HES1: variants seen among roughly 807,000 people sequenced by gnomAD.
HES1 encodes hes family bHLH transcription factor 1.
In HES1, 7 loss-of-function variants were observed where a neutral mutation model predicts 21.0. The ratio of observed to expected loss-of-function variants is 0.33; its 90% CI spans 0.19 to 0.63. The LOEUF is 0.63. HES1 is among the 20% of genes least tolerant of loss of function. The probability of loss-of-function intolerance (pLI) is 0.78; values close to 1 mark genes in which losing one functional copy is unlikely to be tolerated. For missense variants in HES1, 338 were observed against 389.8 expected (o/e 0.87, Z 1.12); for synonymous variants, 169 against 171.2 (o/e 0.99, Z 0.10).
At chr3:194,136,797 G>T (rs770938865) in intron 2 of HES1, 85 bp downstream of exon 2, 69 of 1,426,296 alleles carry the variant, frequency 4.8e-5, no homozygotes, top group Non-Finnish European at 6.7e-5. Context: ...CGCCCTGCGG[G>T]GTCTGGCACT....
In HES1 at chr3:194,137,295, G is replaced by C. The variant is rs2108588790; in HGVS notation, c.292+247G>C. 4 of 593,872 alleles carry C rather than the reference G, an allele frequency of 6.7e-6. No homozygotes were observed. The South Asian group carries it at 8.0e-5, about 12-fold the overall frequency. The allele number at this position is 593,872 out of a possible 1,614,324, so 36.8% of individuals were successfully genotyped here. ...CGCCGGGTAGGGGCGAAAGGACTTA[G>C]GACTGTGGCGGTTTGGAACTGCGTG... On this transcript the variant is annotated intron_variant, in intron 3 of 3. Transcript: ENST00000232424. The surrounding 1 kb of genome is among the most constrained non-coding windows in gnomAD (Gnocchi z 5.4).
chr3:194,138,435 T>A lies in HES1; in HGVS notation c.*202T>A. On this transcript the variant is annotated 3_prime_UTR_variant, in exon 4 of 4. Transcript: ENST00000232424. ...ACCATGCACTATATTTGTATATATT[T>A]TATATGTTCATATTGGATTGCGCCT... 7 of 428,038 alleles carry A rather than the reference T, an allele frequency of 1.6e-5. No individual in the cohort carries two copies. The highest frequency in any genetic ancestry group is 2.8e-5 in the Non-Finnish European group (7 of 251,526). The allele number at this position is 428,038 out of a possible 1,614,324, so 26.5% of individuals were successfully genotyped here. A position where few individuals can be genotyped will look rare whatever the true frequency, so the allele number is the denominator to read the frequency against.
At position 194,137,070 on chromosome 3, in the gene HES1, C is replaced by T; in HGVS notation, c.292+22C>T. 6.2e-7 allele frequency: 1 copy of T among 1,603,478 alleles called. No individual in the cohort carries two copies. Among genetic ancestry groups the T allele is most frequent in the Non-Finnish European group, 8.5e-7 (1 of 1,170,704 alleles). Reference sequence around the variant, plus strand: ...ACGGGTGAGGGCGGCTCGCCGCGTCCCCCTGTGCGGGCGTCCCGCTCGCCT... The same window carrying T: ...ACGGGTGAGGGCGGCTCGCCGCGTCTCCCTGTGCGGGCGTCCCGCTCGCCT... On this transcript the variant is annotated intron_variant, in intron 3 of 3. Transcript: ENST00000232424. The surrounding 1 kb of genome is among the most constrained non-coding windows in gnomAD (Gnocchi z 5.4).
At position 194,136,185 on chromosome 3, in the gene HES1, C is replaced by A. The variant is rs1205087525; in HGVS notation, c.-196C>A. 2.2e-5 allele frequency: 12 copies of A among 539,740 alleles called. No individual in the cohort carries two copies. The highest frequency in any genetic ancestry group is 2.2e-4 in the East Asian group (7 of 32,410). 33.4% of individuals were successfully genotyped at this position (539,740 alleles called of 1,614,324 possible). The stretch of plus-strand genomic sequence containing the variant: ...GAGCTGGTGCTGATAACAGCGGAAT[C>A]CCCCGTCTACCTCTCTCCTTGGTCC... On this transcript the variant is annotated 5_prime_UTR_variant, in exon 1 of 4. Transcript: ENST00000232424.
Position 194,137,909 on chromosome 3 carries a change from C to A in HES1, c.519C>A (p.Pro173=). The change falls in exon 4 of 4, where the codon CCC becomes CCA. Residue 173 remains proline (P), a synonymous_variant. Coordinates refer to ENST00000232424, the MANE Select transcript of HES1 (RefSeq NM_005524.4). This position sits in a 1 kb window ranked among gnomAD's most constrained non-coding sequence, Gnocchi z 5.4. ...CGCCGCCACCGCCCCCACCGGGACC[C>A]GGCGGCCCCCAGCACGCGCCGTTCG... ...LQAPPPPPPG[P]GGPQHAPFAP... 7.0e-7 allele frequency: 1 copy of A among 1,429,904 alleles called. No individual in the cohort carries two copies. Among genetic ancestry groups the A allele is most frequent in the Non-Finnish European group, 9.2e-7 (1 of 1,083,944 alleles). The allele number at this position is 1,429,904 out of a possible 1,614,324, so 88.6% of individuals were successfully genotyped here.
Position 194,137,258 on chromosome 3 carries a change from G to A in HES1, c.292+210G>A, listed in dbSNP as rs908742171. ...AGGGAGGGAAAGAGGTTGCAGCCGC[G>A]AGGGTGGCGGGCGCCGGGTAGGGGC... On this transcript the variant is annotated intron_variant, in intron 3 of 3. Transcript: ENST00000232424. The surrounding 1 kb of genome is among the most constrained non-coding windows in gnomAD (Gnocchi z 5.4). 8.1e-6 allele frequency: 5 copies of A among 617,284 alleles called. No individual in the cohort carries two copies. Among genetic ancestry groups the A allele is most frequent in the South Asian group, 2.0e-5 (1 of 51,270 alleles). The allele number at this position is 617,284 out of a possible 1,614,324, so 38.2% of individuals were successfully genotyped here.
At chr3:194,136,746 A>G (rs1715349511) in intron 2 of HES1, 34 bp downstream of exon 2, 1 of 1,567,486 alleles carries the variant, frequency 6.4e-7, no homozygotes, top group Admixed American at 1.7e-5. Context: ...TCTTTTAATT[A>G]AAAAACAAAC....
chr3:194,137,131 T>C lies in HES1; in HGVS notation c.292+83T>C. ...TCTTCCAGACTTCCGCCCGTGGTTG[T>C]GAGAGGCATTCAGCTACATTTTACT... On this transcript the variant is annotated intron_variant, in intron 3 of 3. Coordinates refer to ENST00000232424, the MANE Select transcript of HES1 (RefSeq NM_005524.4). The surrounding 1 kb of genome is among the most constrained non-coding windows in gnomAD (Gnocchi z 5.4). 1.7e-6 allele frequency: 2 copies of C among 1,176,786 alleles called. No homozygotes were observed. The highest frequency in any genetic ancestry group is 1.2e-5 in the South Asian group (1 of 81,512). 72.9% of individuals were successfully genotyped at this position (1,176,786 alleles called of 1,614,324 possible).
At position 194,138,094 on chromosome 3, in the gene HES1, A is replaced by G. The variant is rs767833391; in HGVS notation, c.704A>G (p.Asn235Ser). Residue 235 changes from asparagine to serine, a missense_variant, in exon 4 of 4, where the codon AAC (asparagine) becomes AGC (serine). Transcript: ENST00000232424. ...PDGQFAFLIP[N>S]GAFAHSGPVI... ...GGCCAGTTTGCTTTCCTCATTCCCA[A>G]CGGGGCCTTCGCGCACAGCGGCCCT... The G allele has an allele frequency of 8.7e-6, 14 of 1,612,184 alleles. No individual in the cohort carries two copies. Among genetic ancestry groups the G allele is most frequent in the Non-Finnish European group, 1.2e-5 (14 of 1,179,514 alleles).
At position 194,137,989 on chromosome 3, in the gene HES1, G is replaced by A. The variant is rs1715389617; in HGVS notation, c.599G>A (p.Gly200Asp). The A allele has an allele frequency of 3.5e-6, 5 of 1,443,546 alleles. No homozygotes were observed. The highest frequency in any genetic ancestry group is 2.7e-6 in the Non-Finnish European group (3 of 1,092,050). The allele number at this position is 1,443,546 out of a possible 1,614,324, so 89.4% of individuals were successfully genotyped here. A position where few individuals can be genotyped will look rare whatever the true frequency, so the allele number is the denominator to read the frequency against. Reference sequence around the variant, plus strand: ...GGGGGCGCGGCGCCCCCTCCCGGCGGCGCCCCCTGCAAGCTGGGCAGCCAG... The same window carrying A: ...GGGGGCGCGGCGCCCCCTCCCGGCGACGCCCCCTGCAAGCTGGGCAGCCAG... ...IPGGAAPPPG[G>D]APCKLGSQAG... is the part of the protein sequence containing the mutation. The change falls in exon 4 of 4, where the codon GGC (glycine) becomes GAC (aspartate). Residue 200 changes from glycine (G) to aspartate (D), a missense_variant. Physicochemically the swap from Gly to Asp is moderately conservative, Grantham distance 94 (BLOSUM62 -1). Coordinates refer to ENST00000232424, the MANE Select transcript of HES1 (RefSeq NM_005524.4). The surrounding 1 kb of genome is among the most constrained non-coding windows in gnomAD (Gnocchi z 5.4).
chr3:194,137,762 C>G lies in HES1; in HGVS notation c.372C>G (p.Phe124Leu). 6.2e-7 allele frequency: 1 copy of G among 1,613,720 alleles called. No individual in the cohort carries two copies. Among genetic ancestry groups the G allele is most frequent in the South Asian group, 1.1e-5 (1 of 90,966 alleles). ...FSECMNEVTR[F>L]LSTCEGVNTE... is the part of the protein sequence containing the mutation. Reference sequence around the variant, plus strand: ...AGTGCATGAACGAGGTGACCCGCTTCCTGTCCACGTGCGAGGGCGTTAATA... The same window carrying G: ...AGTGCATGAACGAGGTGACCCGCTTGCTGTCCACGTGCGAGGGCGTTAATA... Residue 124 changes from phenylalanine (F) to leucine (L), a missense_variant, in exon 4 of 4, where the codon TTC becomes TTG. By Grantham distance (22) the Phe-to-Leu change is conservative (BLOSUM62 0). Transcript: ENST00000232424. This position sits in a 1 kb window ranked among gnomAD's most constrained non-coding sequence, Gnocchi z 5.4.
intron 1 of HES1, 49 bp downstream of exon 1, chr3:194,136,537 G>A: frequency 1.3e-6 from 2 of 1,555,628 alleles, no homozygotes; most frequent in Non-Finnish European, 1.8e-6. Flanking sequence ...ATTAAGTAGG[G>A]GTTGGGGGGC....
In HES1 at chr3:194,136,535, G is replaced by C. The variant is rs746690094; in HGVS notation, c.108+47G>C. 3.2e-6 allele frequency: 5 copies of C among 1,548,606 alleles called. No individual in the cohort carries two copies. The South Asian group carries it at 5.8e-5, about 18-fold the overall frequency. ...CTTTGCAGCCCCTCAAAATTAAGTA[G>C]GGGTTGGGGGGCTTCTTTCTGTCTT... is the stretch of plus-strand genomic sequence containing the variant. On this transcript the variant is annotated intron_variant, in intron 1 of 3. Transcript: ENST00000232424.
Position 194,137,115 on chromosome 3 carries a change from C to T in HES1, c.292+67C>T. The T allele has an allele frequency of 1.5e-6, 2 of 1,369,624 alleles. No homozygotes were observed. The highest frequency in any genetic ancestry group is 2.3e-5 in the East Asian group (1 of 43,710). The allele number at this position is 1,369,624 out of a possible 1,614,324, so 84.8% of individuals were successfully genotyped here. A position where few individuals can be genotyped will look rare whatever the true frequency, so the allele number is the denominator to read the frequency against. On this transcript the variant is annotated intron_variant, in intron 3 of 3. Transcript: ENST00000232424. The surrounding 1 kb of genome is among the most constrained non-coding windows in gnomAD (Gnocchi z 5.4). Reference sequence around the variant, plus strand: ...TCGCCTCGCGGTGATTTCTTCCAGACTTCCGCCCGTGGTTGTGAGAGGCAT... The same window carrying T: ...TCGCCTCGCGGTGATTTCTTCCAGATTTCCGCCCGTGGTTGTGAGAGGCAT...
At position 194,138,287 on chromosome 3, in the gene HES1, C is replaced by T; in HGVS notation, c.*54C>T. 3 of 1,443,922 alleles carry T rather than the reference C, an allele frequency of 2.1e-6. No homozygotes were observed. Among genetic ancestry groups the T allele is most frequent in the South Asian group, 1.4e-5 (1 of 70,156 alleles). The allele number at this position is 1,443,922 out of a possible 1,614,324, so 89.4% of individuals were successfully genotyped here. A position where few individuals can be genotyped will look rare whatever the true frequency, so the allele number is the denominator to read the frequency against. On this transcript the variant is annotated 3_prime_UTR_variant, in exon 4 of 4. Coordinates refer to ENST00000232424, the MANE Select transcript of HES1 (RefSeq NM_005524.4). The stretch of plus-strand genomic sequence containing the variant: ...CTCCCCAACCCACCTCTCTTCCCTC[C>T]GGACTCTAAACAGGAACTTGAATAC...
rs1320696128 is a variant in HES1, at chr3:194,137,897, C to T, written c.507C>T (p.Pro169=). The T allele has an allele frequency of 1.4e-6, 2 of 1,465,860 alleles. No individual in the cohort carries two copies. The highest frequency in any genetic ancestry group is 2.9e-5 in the African/African-American group (2 of 69,524). 90.8% of individuals were successfully genotyped at this position (1,465,860 alleles called of 1,614,324 possible). The stretch of plus-strand genomic sequence containing the variant: ...CCGCCTTGCAGGCGCCGCCACCGCC[C>T]CCACCGGGACCCGGCGGCCCCCAGC... The part of the protein sequence containing the change: ...PHPALQAPPP[P]PPGPGGPQHA... Residue 169 remains proline (P), a synonymous_variant, in exon 4 of 4, where the codon CCC becomes CCT. Transcript: ENST00000232424. This position sits in a 1 kb window ranked among gnomAD's most constrained non-coding sequence, Gnocchi z 5.4.
rs181836946 is a variant in HES1, at chr3:194,136,954, T to C, written c.205-7T>C. The C allele has an allele frequency of 9.7e-5, 156 of 1,613,884 alleles. No individual in the cohort carries two copies. The highest frequency in any genetic ancestry group is 4.9e-4 in the Middle Eastern group (3 of 6,062). ...GCTCACTTTCCTTTCTTGCCTACTC[T>C]ATGCAGAGCTCGCGGCATTCCAAGC... On this transcript the variant is annotated splice_region_variant and splice_polypyrimidine_tract_variant and intron_variant, in intron 2 of 3. Coordinates refer to ENST00000232424, the MANE Select transcript of HES1 (RefSeq NM_005524.4).
Position 194,137,601 on chromosome 3 carries a change from C to T in HES1, c.293-82C>T. ...ACGGGCGCATGGTCAGGGAGGCGCG[C>T]CACAGGGACCTCCCAGGGCGGAGGC... On this transcript the variant is annotated intron_variant, in intron 3 of 3. Coordinates refer to ENST00000232424, the MANE Select transcript of HES1 (RefSeq NM_005524.4). The surrounding 1 kb of genome is among the most constrained non-coding windows in gnomAD (Gnocchi z 5.4). 1 of 1,408,548 alleles carries T rather than the reference C, an allele frequency of 7.1e-7. No individual in the cohort carries two copies. Among genetic ancestry groups the T allele is most frequent in the South Asian group, 1.5e-5 (1 of 65,892 alleles). 87.3% of individuals were successfully genotyped at this position (1,408,548 alleles called of 1,614,324 possible). A position where few individuals can be genotyped will look rare whatever the true frequency, so the allele number is the denominator to read the frequency against.
In HES1 at chr3:194,138,240, T is replaced by C; in HGVS notation, c.*7T>C. 6.5e-7 allele frequency: 1 copy of C among 1,547,054 alleles called. No individual in the cohort carries two copies. Among genetic ancestry groups the C allele is most frequent in the Non-Finnish European group, 8.7e-7 (1 of 1,147,854 alleles). ...GAGGCCGTGGCGGAACTGAGGGGGCTCAGGCCACCCCTCCTCCTAAACTCC... is the reference window on the plus strand; with the variant it reads ...GAGGCCGTGGCGGAACTGAGGGGGCCCAGGCCACCCCTCCTCCTAAACTCC... On this transcript the variant is annotated 3_prime_UTR_variant, in exon 4 of 4. Coordinates refer to ENST00000232424, the MANE Select transcript of HES1 (RefSeq NM_005524.4).
Sources: gnomAD v4.1 joint callset for allele counts on GRCh38, gnomAD v4.1.1 for gene constraint, Gnocchi (gnomAD v3.1) non-coding constraint, MANE v1.5 for transcripts, NCBI Gene and HGNC (gene_info 2026-07-23, HGNC 2026-07-21) for gene names.